Variants in SNTB2 observed in about 807,000 individuals in gnomAD.
The protein encoded by SNTB2 is beta-2-syntrophin.
SNTB2 carries 34 observed loss-of-function variants against 46.2 expected under a neutral mutation model. That is an observed-to-expected ratio of 0.74 (90% CI 0.56 to 0.98). The LOEUF is 0.98. SNTB2 is among the 50% of genes least tolerant of loss of function. SNTB2 has a pLI of 0.00. For missense variants in SNTB2, 603 were observed against 731.4 expected (o/e 0.82, Z 2.02); for synonymous variants, 290 against 312.6 (o/e 0.93, Z 0.76).
intron 1 of SNTB2, among the ~76,000 whole-genome samples, chr16:69,198,754 G>A (rs1964131130): frequency 6.6e-6 from 1 of 152,070 alleles, no homozygotes; most frequent in Non-Finnish European, 1.5e-5. Flanking sequence ...AGCATTATAA[G>A]CAGTATGTTT....
chr16:69,228,017 C>T (rs1403821102), intron 1 of SNTB2, among the ~76,000 whole-genome samples: 1 of 151,838 alleles, frequency 6.6e-6, no homozygotes, highest in Non-Finnish European at 1.5e-5. Flanking sequence ...ACCCCTATGC[C>T]CAGCTTTTCT....
chr16:69,254,576 AT>A (rs1964755143), intron 2 of SNTB2, among the ~76,000 whole-genome samples: 1 of 152,246 alleles, frequency 6.6e-6, no homozygotes, highest in African/African-American at 2.4e-5. Context: ...CCTCTTTAAA[AT>A]TTAAAACTTC....
chr16:69,187,849 C>A, intron 1 of SNTB2, 103 bp downstream of exon 1: 2 of 945,074 alleles, frequency 2.1e-6, no homozygotes, highest in Non-Finnish European at 1.5e-6. Flanking sequence ...GTTCTCTCCC[C>A]GTCTCTCTCC....
intron 1 of SNTB2, among the ~76,000 whole-genome samples, chr16:69,213,687 A>G (rs1323364377): frequency 6.7e-6 from 1 of 149,008 alleles, no homozygotes; most frequent in East Asian, 2.0e-4. Context: ...TTTAGTAGAG[A>G]TGGGGTTTCA....
At chr16:69,204,031 T>G (rs1964190875) in intron 1 of SNTB2, among the ~76,000 whole-genome samples, 1 of 152,128 alleles carries the variant, frequency 6.6e-6, no homozygotes, top group Admixed American at 6.6e-5. Context: ...GAGCTGGAAT[T>G]ACAGGCACCC....
intron 2 of SNTB2, among the ~76,000 whole-genome samples, chr16:69,254,962 ATC>A (rs1964759377): frequency 6.6e-6 from 1 of 152,094 alleles, no homozygotes; most frequent in African/African-American, 2.4e-5. Flanking sequence ...CTGCCCAGTA[ATC>A]TGTGTCCCTA....
At chr16:69,241,172 T>A (rs1964610498) in intron 1 of SNTB2, among the ~76,000 whole-genome samples, 1 of 121,984 alleles carries the variant, frequency 8.2e-6, no homozygotes, top group South Asian at 2.9e-4. Context: ...GATAAGCTTT[T>A]TTTTTTTTTT....
chr16:69,280,923 G>A (rs1438174726), intron 4 of SNTB2, among the ~76,000 whole-genome samples: 1 of 151,582 alleles, frequency 6.6e-6, no homozygotes, highest in Non-Finnish European at 1.5e-5. Context: ...TCAGCTTCGC[G>A]AGTAGCTGGG....
At position 69,225,966 on chromosome 16, in the gene SNTB2, C is replaced by T. The variant is rs140284618; in HGVS notation, c.581-19636C>T. 1.9e-3 allele frequency among the ~76,000 whole-genome samples: 288 copies of T among 152,204 alleles called. 2 individuals are homozygous for T. The highest frequency in any genetic ancestry group is 0.01 in the Middle Eastern group (3 of 294). On this transcript the variant is annotated intron_variant, in intron 1 of 6. Coordinates refer to ENST00000336278, the MANE Select transcript of SNTB2 (RefSeq NM_006750.4). ...TAGTTTTAGTAGACATGGGGTTTCA[C>T]CATGTTGGCTAGGCTGGTCTCAAAC...
intron 3 of SNTB2, among the ~76,000 whole-genome samples, chr16:69,265,165 C>T (rs1377082580): frequency 1.3e-5 from 2 of 151,940 alleles, no homozygotes; most frequent in Admixed American, 1.3e-4. Context: ...AGGAGAATGG[C>T]GTGAACCCAG....
intron 4 of SNTB2, among the ~76,000 whole-genome samples, chr16:69,276,701 A>C (rs998790759): frequency 2.0e-5 from 3 of 152,282 alleles, no homozygotes; most frequent in Non-Finnish European, 2.9e-5. Context: ...TGTGAGTTCA[A>C]AGCTATTTTC....
chr16:69,258,643 G>A (rs1409778751), intron 2 of SNTB2, among the ~76,000 whole-genome samples: 9 of 122,618 alleles, frequency 7.3e-5, no homozygotes, highest in African/African-American at 1.6e-4. Flanking sequence ...AGGGAGTCTC[G>A]CTTTGTCGCC....
At chr16:69,288,868 T>C (rs771516045) in intron 5 of SNTB2, among the ~76,000 whole-genome samples, 1 of 152,146 alleles carries the variant, frequency 6.6e-6, no homozygotes, top group African/African-American at 2.4e-5. Flanking sequence ...ATAAAAAATA[T>C]TGCAGTCATG....
chr16:69,236,951 T>C (rs1964565357), intron 1 of SNTB2, among the ~76,000 whole-genome samples: 1 of 152,146 alleles, frequency 6.6e-6, no homozygotes, highest in Admixed American at 6.5e-5. Flanking sequence ...CTAACTATAG[T>C]ACTGGTTTAG....
chr16:69,264,922 G>A (rs1339667768), intron 3 of SNTB2, among the ~76,000 whole-genome samples: 1 of 152,190 alleles, frequency 6.6e-6, no homozygotes, highest in Non-Finnish European at 1.5e-5. Context: ...ACATATTTCA[G>A]TGATAAGGAA....
At chr16:69,267,373 C>G (rs1199313919) in intron 3 of SNTB2, among the ~76,000 whole-genome samples, 1 of 152,132 alleles carries the variant, frequency 6.6e-6, no homozygotes, top group Admixed American at 6.6e-5. Context: ...ATGATATAAC[C>G]TATTGAAATA....
chr16:69,250,474 A>T (rs2082254613), intron 2 of SNTB2, among the ~76,000 whole-genome samples: 1 of 152,268 alleles, frequency 6.6e-6, no homozygotes, highest in Non-Finnish European at 1.5e-5. Context: ...TTCTCAAGTT[A>T]TTATTATAGG....
In SNTB2 at chr16:69,302,361, T is replaced by G. The variant is rs1170972114; in HGVS notation, c.*1437T>G. ...TCAAAATTAGCACAGTCCCTGGATC[T>G]CAAAGAATAGGTAATATTGACTTGG... On this transcript the variant is annotated 3_prime_UTR_variant, in exon 7 of 7. Transcript: ENST00000336278. 3.9e-5 allele frequency: 6 copies of G among 152,182 alleles called. No homozygotes were observed. The East Asian group carries it at 1.2e-3, about 29-fold the overall frequency. 9.4% of individuals were successfully genotyped at this position (152,182 alleles called of 1,614,324 possible).
chr16:69,281,579 G>C (rs999694039), intron 4 of SNTB2, among the ~76,000 whole-genome samples: 1 of 150,654 alleles, frequency 6.6e-6, no homozygotes, highest in African/African-American at 2.4e-5. Flanking sequence ...GGCTGGGCAC[G>C]GTGGCTCACG....
Sources: gnomAD v4.1 joint callset for allele counts (sites outside exome capture counted in the v4.1 genomes callset) on GRCh38, gnomAD v4.1.1 for gene constraint, MANE v1.5 for transcripts, NCBI Gene and HGNC (gene_info 2026-07-23, HGNC 2026-07-21) for gene names.